PCDH15: variants seen among roughly 807,000 people sequenced by gnomAD.
PCDH15 encodes the protein protocadherin-15.
In PCDH15, 129 loss-of-function variants were observed where a neutral mutation model predicts 178.5. The ratio of observed to expected loss-of-function variants is 0.72; its 90% CI spans 0.63 to 0.84. The LOEUF (loss-of-function observed/expected upper bound fraction) is 0.84, where lower values mean the gene tolerates loss of function less well. PCDH15 is among the 40% of genes least tolerant of loss of function. PCDH15 has a pLI of 0.00. For synonymous variants in PCDH15, 800 were observed against 732.0 expected, an observed-to-expected ratio of 1.09 and a Z score of -1.50; for missense variants, 2,230 against 2,099.9, an observed-to-expected ratio of 1.06 and a Z score of -1.21.
At chr10:54,131,284 T>C (rs931197854) in intron 15 of PCDH15, among the ~76,000 whole-genome samples, 2 of 152,166 alleles carry the variant, frequency 1.3e-5, no homozygotes, top group Non-Finnish European at 2.9e-5. Context: ...AATATTTAAA[T>C]ATAAAATGTA....
At chr10:54,520,796 A>G (rs1360292341) in intron 3 of PCDH15, among the ~76,000 whole-genome samples, 1 of 150,706 alleles carries the variant, frequency 6.6e-6, no homozygotes, top group Non-Finnish European at 1.5e-5. Flanking sequence ...TCACAATAGC[A>G]AAGACTTGGA....
At chr10:55,352,607 G>T (rs993839098) in intron 2 of PCDH15, among the ~76,000 whole-genome samples, 10 of 152,132 alleles carry the variant, frequency 6.6e-5, no homozygotes, top group Non-Finnish European at 1.2e-4. Context: ...AAATAGAAAA[G>T]TGAAAAAGCT....
chr10:54,505,065 TG>T (rs1358921589), intron 3 of PCDH15, among the ~76,000 whole-genome samples: 8 of 152,280 alleles, frequency 5.3e-5, no homozygotes, highest in Admixed American at 3.3e-4. Context: ...TTTGTTTTTT[TG>T]TTTTTTTCCT....
intron 2 of PCDH15, among the ~76,000 whole-genome samples, chr10:55,352,880 C>T (rs1234458924): frequency 6.6e-6 from 1 of 152,074 alleles, no homozygotes; most frequent in Non-Finnish European, 1.5e-5. Context: ...TGGTCTGATC[C>T]ACTACGGCTT....
chr10:54,901,784 T>A (rs1411704683), intron 2 of PCDH15, among the ~76,000 whole-genome samples: 1 of 152,098 alleles, frequency 6.6e-6, no homozygotes, highest in Non-Finnish European at 1.5e-5. Flanking sequence ...AATAAATCAG[T>A]TTGAGCAAAT....
At chr10:53,956,920 A>G (rs2087668186) in intron 23 of PCDH15, among the ~76,000 whole-genome samples, 1 of 152,208 alleles carries the variant, frequency 6.6e-6, no homozygotes, top group South Asian at 2.1e-4. Context: ...ATGGTAAATT[A>G]TACGTTGAAC....
intron 8 of PCDH15, among the ~76,000 whole-genome samples, chr10:54,292,534 C>T (rs565683748): frequency 2.0e-5 from 3 of 152,290 alleles, no homozygotes; most frequent in African/African-American, 4.8e-5. Flanking sequence ...GTTAAATTGT[C>T]CCTGTTTGCA....
At chr10:54,185,059 T>C (rs2048365490) in intron 12 of PCDH15, 75 bp downstream of exon 12, 1 of 1,548,904 alleles carries the variant, frequency 6.5e-7, no homozygotes, top group Non-Finnish European at 8.9e-7. Context: ...TAACCAGACA[T>C]CTCTTTCAGT....
chr10:54,160,330 C>T (rs909925333), intron 13 of PCDH15, among the ~76,000 whole-genome samples: 7 of 151,964 alleles, frequency 4.6e-5, no homozygotes, highest in Non-Finnish European at 1.0e-4. Flanking sequence ...GTAATAGAAA[C>T]CATGGAAAGC....
upstream of PCDH15, among the ~76,000 whole-genome samples, chr10:55,324,355 A>C (rs1843978556): frequency 6.6e-6 from 1 of 152,162 alleles, no homozygotes; most frequent in South Asian, 2.1e-4. Flanking sequence ...CCATCTAACA[A>C]GCAATGACAC....
chr10:53,934,498 T>C (rs991977473), intron 25 of PCDH15, among the ~76,000 whole-genome samples: 6 of 151,730 alleles, frequency 4.0e-5, no homozygotes, highest in African/African-American at 1.5e-4. Context: ...CTCAGGAGGC[T>C]GAGGCAGGAG....
intron 3 of PCDH15, among the ~76,000 whole-genome samples, chr10:54,411,480 G>A (rs559076563): frequency 6.6e-6 from 1 of 152,130 alleles, no homozygotes; most frequent in African/African-American, 2.4e-5. Flanking sequence ...AATTCTATCA[G>A]TCACTAGCAA....
chr10:55,416,613 A>G (rs188775751), intron 2 of PCDH15, among the ~76,000 whole-genome samples: 13 of 151,876 alleles, frequency 8.6e-5, no homozygotes, highest in Non-Finnish European at 1.6e-4. Flanking sequence ...TTTGAAGGAT[A>G]AAGTTGGCAG....
chr10:55,339,206 T>C (rs1844483350), intron 2 of PCDH15, among the ~76,000 whole-genome samples: 1 of 152,174 alleles, frequency 6.6e-6, no homozygotes, highest in Non-Finnish European at 1.5e-5. Flanking sequence ...ATTACCCTAA[T>C]TTAATTATTA....
At chr10:54,484,194 T>C (rs1363425013) in intron 3 of PCDH15, among the ~76,000 whole-genome samples, 1 of 151,768 alleles carries the variant, frequency 6.6e-6, no homozygotes, top group Admixed American at 6.6e-5. Flanking sequence ...AGAGAAAAAA[T>C]ATACATACAC....
intron 1 of PCDH15, among the ~76,000 whole-genome samples, chr10:55,193,086 A>G (rs1679949785): frequency 6.6e-6 from 1 of 150,406 alleles, no homozygotes; most frequent in South Asian, 2.1e-4. Context: ...TACTTTGTGT[A>G]AGAGACACTG....
At position 54,736,064 on chromosome 10, in the gene PCDH15, C is replaced by T. The variant is rs796189488; in HGVS notation, c.-29+64861G>A. 2.6e-4 allele frequency among the ~76,000 whole-genome samples: 39 copies of T among 152,050 alleles called. 2 individuals carry two copies. The highest frequency in any genetic ancestry group is 8.2e-4 in the African/African-American group (34 of 41,514). On this transcript the variant is annotated intron_variant, in intron 1 of 37. Coordinates refer to ENST00000644397, the MANE Select transcript of PCDH15 (RefSeq NM_001384140.1). ...TTCTGAATGTCAAGATCTCGACTTT[C>T]TTTCCTTAGGTCAAACTGCATTTTA...
chr10:54,974,880 A>G (rs1839030091), intron 2 of PCDH15, among the ~76,000 whole-genome samples: 1 of 152,178 alleles, frequency 6.6e-6, no homozygotes, highest in Admixed American at 6.5e-5. Context: ...GTTTAAGGTA[A>G]ATCCTAATTA....
At chr10:55,619,454 C>T (rs1419815512) in intron 2 of PCDH15, among the ~76,000 whole-genome samples, 3 of 151,916 alleles carry the variant, frequency 2.0e-5, no homozygotes, top group African/African-American at 7.2e-5. Flanking sequence ...AAATCAAGAA[C>T]ACAGTATCTG....
Sources: gnomAD v4.1 joint callset for allele counts (sites outside exome capture counted in the v4.1 genomes callset) on GRCh38, gnomAD v4.1.1 for gene constraint, MANE v1.5 for transcripts, NCBI Gene and HGNC (gene_info 2026-07-23, HGNC 2026-07-21) for gene names.